DENND5A: variants seen among roughly 807,000 people sequenced by gnomAD.
DENND5A encodes the protein DENN domain containing 5A, also known as DENN domain-containing protein 5A.
A neutral mutation model predicts 140.3 loss-of-function variants in DENND5A; 64 were observed. The observed-to-expected ratio is 0.46, with a 90% CI of 0.37 to 0.56. The LOEUF (loss-of-function observed/expected upper bound fraction) is 0.56, where lower values mean the gene tolerates loss of function less well. Among genes scored for constraint, DENND5A ranks in the 20% least tolerant of loss-of-function variants. The pLI, the probability that DENND5A is intolerant of heterozygous loss-of-function variation, is 0.00. For synonymous variants in DENND5A, 605 were observed against 607.7 expected (o/e 1.00, Z 0.07); for missense variants, 1,292 against 1,593.8 (o/e 0.81, Z 3.22).
At chr11:9,217,236 C>T (rs1850127487) in intron 1 of DENND5A, among the ~76,000 whole-genome samples, 1 of 152,096 alleles carries the variant, frequency 6.6e-6, no homozygotes, top group Non-Finnish European at 1.5e-5. Context: ...ATGTCCTGGC[C>T]AGGCGCGATG....
At chr11:9,247,178 C>T (rs867304864) in intron 1 of DENND5A, among the ~76,000 whole-genome samples, 9 of 150,440 alleles carry the variant, frequency 6.0e-5, no homozygotes, top group Non-Finnish European at 1.2e-4. Flanking sequence ...TGCAGTGAGC[C>T]GAGATCGTGC....
intron 1 of DENND5A, among the ~76,000 whole-genome samples, chr11:9,213,349 G>A (rs1173079865): frequency 1.3e-5 from 2 of 151,816 alleles, no homozygotes; most frequent in African/African-American, 4.8e-5. Flanking sequence ...GCTGGGTAGA[G>A]TGCACAGGGG....
At chr11:9,185,743 T>A (rs961995971) in intron 5 of DENND5A, among the ~76,000 whole-genome samples, 1 of 152,134 alleles carries the variant, frequency 6.6e-6, no homozygotes, top group Non-Finnish European at 1.5e-5. Context: ...TCTACGTGTG[T>A]GTTGTTCCTG....
At chr11:9,258,581 T>C (rs1038652423) in intron 1 of DENND5A, among the ~76,000 whole-genome samples, 1 of 149,976 alleles carries the variant, frequency 6.7e-6, no homozygotes, top group Non-Finnish European at 1.5e-5. Flanking sequence ...TATTCTTTCT[T>C]ACCATGAAAC....
intron 1 of DENND5A, among the ~76,000 whole-genome samples, chr11:9,244,562 T>C (rs920706347): frequency 6.6e-6 from 1 of 151,954 alleles, no homozygotes; most frequent in Non-Finnish European, 1.5e-5. Context: ...AGAGACCGGG[T>C]TTCTCCCTGT....
chr11:9,170,853 C>A, intron 8 of DENND5A, 76 bp from the exon 9 acceptor site: 6 of 1,572,630 alleles, frequency 3.8e-6, no homozygotes, highest in Non-Finnish European at 5.2e-6. Context: ...GTCAAACATT[C>A]TTTAAGAATC....
chr11:9,250,631 C>G (rs1255653613), intron 1 of DENND5A, among the ~76,000 whole-genome samples: 1 of 152,110 alleles, frequency 6.6e-6, no homozygotes, highest in Non-Finnish European at 1.5e-5. Flanking sequence ...AATGGACAAA[C>G]AATTTTATTT....
chr11:9,152,310 T>C (rs528551477), intron 13 of DENND5A, 48 bp downstream of exon 13: 3 of 1,367,956 alleles, frequency 2.2e-6, no homozygotes, highest in South Asian at 2.3e-5. Flanking sequence ...CAGTGGGTGA[T>C]GGAAAAGTGG....
At chr11:9,144,064 T>C in intron 19 of DENND5A, 33 bp downstream of exon 19, 3 of 1,601,462 alleles carry the variant, frequency 1.9e-6, no homozygotes, top group East Asian at 4.5e-5. Context: ...CTAGACTGTA[T>C]GGCATGAGGG....
At chr11:9,153,038 C>G (rs938495615) in intron 12 of DENND5A, among the ~76,000 whole-genome samples, 1 of 149,160 alleles carries the variant, frequency 6.7e-6, no homozygotes, top group African/African-American at 2.5e-5. Context: ...AAAAAGCAGG[C>G]CAGGCACAGT....
At chr11:9,194,825 T>C (rs1849262402) in intron 4 of DENND5A, among the ~76,000 whole-genome samples, 1 of 151,500 alleles carries the variant, frequency 6.6e-6, no homozygotes. Context: ...GTTCAAGTGA[T>C]TCTCCTGCCT....
Position 9,141,935 on chromosome 11 carries a change from A to G in DENND5A, c.3680+5T>C. 1 of 1,578,870 alleles carries G rather than the reference A, an allele frequency of 6.3e-7. No individual in the cohort carries two copies. The highest frequency in any genetic ancestry group is 8.6e-7 in the Non-Finnish European group (1 of 1,161,144). ...TGTGCACTCTGGGCCCTGGGTCTGC[A>G]GTACCTGGCTCCCAAGCACACCAGC... On this transcript the variant is annotated splice_donor_5th_base_variant and intron_variant, in intron 22 of 22. Transcript: ENST00000328194.
intron 1 of DENND5A, among the ~76,000 whole-genome samples, chr11:9,253,690 C>G (rs1851824091): frequency 6.6e-6 from 1 of 151,434 alleles, no homozygotes; most frequent in South Asian, 2.1e-4. Flanking sequence ...ATCACTTGAG[C>G]CCAGAGGTTC....
At chr11:9,232,936 A>T (rs1288623928) in intron 1 of DENND5A, among the ~76,000 whole-genome samples, 1 of 152,192 alleles carries the variant, frequency 6.6e-6, no homozygotes, top group Non-Finnish European at 1.5e-5. Flanking sequence ...GAACCTCTCA[A>T]ATATATTGTA....
chr11:9,234,716 G>T (rs1160452873), intron 1 of DENND5A, among the ~76,000 whole-genome samples: 1 of 152,138 alleles, frequency 6.6e-6, no homozygotes, highest in African/African-American at 2.4e-5. Flanking sequence ...TAGCATGAGC[G>T]ATCTGTGCCT....
intron 5 of DENND5A, among the ~76,000 whole-genome samples, chr11:9,190,895 G>A (rs1390919692): frequency 6.6e-6 from 1 of 151,990 alleles, no homozygotes; most frequent in Non-Finnish European, 1.5e-5. Context: ...CTAGTCTAAG[G>A]TTTTCCACGG....
intron 1 of DENND5A, among the ~76,000 whole-genome samples, chr11:9,223,427 C>T (rs753079259): frequency 2.6e-5 from 4 of 152,178 alleles, no homozygotes; most frequent in African/African-American, 4.8e-5. Context: ...GTAATCGCAG[C>T]TACTTGGGAG....
At chr11:9,176,182 T>C (rs1848540112) in intron 8 of DENND5A, among the ~76,000 whole-genome samples, 1 of 152,212 alleles carries the variant, frequency 6.6e-6, no homozygotes, top group African/African-American at 2.4e-5. Flanking sequence ...GTTCCTGAAC[T>C]AGAAAATGTA....
intron 8 of DENND5A, among the ~76,000 whole-genome samples, chr11:9,177,157 G>A (rs1590236147): frequency 6.6e-6 from 1 of 151,708 alleles, no homozygotes; most frequent in South Asian, 2.1e-4. Flanking sequence ...GGGAGACTGA[G>A]GTGAGAGAAT....
Sources: gnomAD v4.1 joint callset for allele counts (sites outside exome capture counted in the v4.1 genomes callset) on GRCh38, gnomAD v4.1.1 for gene constraint, MANE v1.5 for transcripts, NCBI Gene and HGNC (gene_info 2026-07-23, HGNC 2026-07-21) for gene names.